The following ZNF329 variants were observed in gnomAD, a reference collection of about 807,000 sequenced individuals.
ZNF329 encodes the protein zinc finger protein 329.
A neutral mutation model predicts 26.6 loss-of-function variants in ZNF329; 15 were observed. The ratio of observed to expected loss-of-function variants is 0.56; its 90% confidence interval spans 0.38 to 0.87. The LOEUF is 0.87. Ranked by LOEUF, ZNF329 falls within the 40% of genes least tolerant of loss-of-function variation. The pLI is 0.00. For synonymous variants in ZNF329, 239 were observed against 233.5 expected, an observed-to-expected ratio of 1.02 and a Z score of -0.21; for missense variants, 651 against 651.9, an observed-to-expected ratio of 1.00 and a Z score of 0.02.
chr19:58,147,088 T>C (rs1163794533), intron 1 of ZNF329, among the ~76,000 whole-genome samples: 3 of 134,842 alleles, frequency 2.2e-5, no homozygotes, highest in African/African-American at 5.8e-5. Flanking sequence ...CCGGCCGCCA[T>C]CCCATCTAGG....
chr19:58,150,012 G>C (rs1375875244), intron 1 of ZNF329, among the ~76,000 whole-genome samples: 5 of 152,184 alleles, frequency 3.3e-5, no homozygotes, highest in African/African-American at 1.2e-4. Flanking sequence ...AAGGGATACA[G>C]TAAGTTCAGC....
intron 3 of ZNF329, among the ~76,000 whole-genome samples, chr19:58,136,528 A>G (rs529529595): frequency 6.6e-6 from 1 of 151,952 alleles, no homozygotes; most frequent in South Asian, 2.1e-4. Flanking sequence ...AAAAAAAGTT[A>G]GCTGGGTGTG....
chr19:58,147,168 A>G (rs1291272276), intron 1 of ZNF329, among the ~76,000 whole-genome samples: 10 of 127,592 alleles, frequency 7.8e-5, no homozygotes, highest in South Asian at 2.7e-4. Context: ...CCGCCGCCCC[A>G]TCTGGGATGT....
At chr19:58,154,503 C>G (rs1026532180), upstream of ZNF329, among the ~76,000 whole-genome samples, 6 of 152,212 alleles carry the variant, frequency 3.9e-5, no homozygotes, top group African/African-American at 1.4e-4. Context: ...TGGTTGGTCT[C>G]CTCCTCCAGG....
chr19:58,138,566 C>G (rs990947765), intron 3 of ZNF329, among the ~76,000 whole-genome samples: 6 of 152,174 alleles, frequency 3.9e-5, no homozygotes, highest in African/African-American at 1.4e-4. Flanking sequence ...GCTGCCCTGC[C>G]GCATGACATG....
At chr19:58,140,212 G>C (rs1260046219) in intron 3 of ZNF329, among the ~76,000 whole-genome samples, 1 of 151,964 alleles carries the variant, frequency 6.6e-6, no homozygotes. Context: ...CGGTTCTGGG[G>C]GAAATGAATT....
At chr19:58,141,461 A>C (rs2146104135) in intron 3 of ZNF329, among the ~76,000 whole-genome samples, 1 of 151,920 alleles carries the variant, frequency 6.6e-6, no homozygotes, top group South Asian at 2.1e-4. Flanking sequence ...ACCATGCCTA[A>C]TTTTTGTATT....
At chr19:58,129,786 T>A (rs1253084730) in intron 3 of ZNF329, among the ~76,000 whole-genome samples, 1 of 152,152 alleles carries the variant, frequency 6.6e-6, no homozygotes, top group East Asian at 1.9e-4. Flanking sequence ...GTTTGAGATG[T>A]GAGAGACCAG....
intron 3 of ZNF329, among the ~76,000 whole-genome samples, chr19:58,135,830 A>AAATAT (rs140473898): frequency 0.024 from 3,713 of 152,316 alleles, 148 homozygotes; most frequent in African/African-American, 0.084. Flanking sequence ...AAAGAAAACC[A>AAATAT]AATATAATAA....
intron 1 of ZNF329, among the ~76,000 whole-genome samples, chr19:58,143,769 T>G (rs1367506728): frequency 6.6e-6 from 1 of 152,096 alleles, no homozygotes; most frequent in Non-Finnish European, 1.5e-5. Flanking sequence ...GAGAAAAAAT[T>G]TTTTTGAATG....
intron 1 of ZNF329, among the ~76,000 whole-genome samples, chr19:58,144,302 G>A (rs1285716620): frequency 1.3e-5 from 2 of 151,024 alleles, no homozygotes; most frequent in Non-Finnish European, 2.9e-5. Flanking sequence ...AGCCTCCTGA[G>A]TAGCCAGGAC....
chr19:58,133,997 A>T (rs1305177036), intron 3 of ZNF329, among the ~76,000 whole-genome samples: 3 of 152,182 alleles, frequency 2.0e-5, no homozygotes, highest in Admixed American at 6.5e-5. Flanking sequence ...TGAAGTCCTC[A>T]AGTTTCTCAT....
chr19:58,136,468 G>A (rs1459231416), intron 3 of ZNF329, among the ~76,000 whole-genome samples: 1 of 151,902 alleles, frequency 6.6e-6, no homozygotes, highest in Non-Finnish European at 1.5e-5. Flanking sequence ...GAAGCCAGGA[G>A]TTTGAAACCA....
intron 1 of ZNF329, among the ~76,000 whole-genome samples, chr19:58,145,539 G>A (rs1256931305): frequency 6.7e-6 from 1 of 150,208 alleles, no homozygotes; most frequent in African/African-American, 2.5e-5. Flanking sequence ...CCAGGCTGGT[G>A]TTGAACTCCT....
intron 1 of ZNF329, among the ~76,000 whole-genome samples, chr19:58,147,995 C>G (rs3953740): frequency 6.6e-6 from 1 of 151,890 alleles, no homozygotes; most frequent in East Asian, 1.9e-4. Context: ...GGATGGTTGC[C>G]GTGTCTGTGC....
upstream of ZNF329, among the ~76,000 whole-genome samples, chr19:58,151,422 G>A (rs2075450088): frequency 6.6e-6 from 1 of 152,006 alleles, no homozygotes; most frequent in Non-Finnish European, 1.5e-5. Flanking sequence ...CCAACATGGT[G>A]AAACCCCGTC....
chr19:58,129,126 T>C lies in ZNF329; in HGVS notation c.378A>G (p.Gly126=), dbSNP rs2146055999. The C allele has an allele frequency of 6.2e-7, 1 of 1,614,088 alleles. No homozygotes were observed. Among genetic ancestry groups the C allele is most frequent in the Non-Finnish European group, 8.5e-7 (1 of 1,180,030 alleles). The change falls in exon 4 of 4, where the codon GGA becomes GGG. Residue 126 remains glycine, a synonymous_variant. Coordinates refer to ENST00000598312, the MANE Select transcript of ZNF329 (RefSeq NM_024620.4). ...CTTCCATGGAATGGTTGAAGCCTTT[T>C]CCACAGGCATCACTGTCACCAGTTC... ...DKRTGDSDAC[G]KGFNHSMEVI... is the part of the protein sequence containing the mutation.
chr19:58,137,755 G>A (rs528725594), intron 3 of ZNF329, among the ~76,000 whole-genome samples: 1 of 147,308 alleles, frequency 6.8e-6, no homozygotes, highest in Non-Finnish European at 1.5e-5. Context: ...CTTGAGGTCA[G>A]GAGTTTGAGA....
rs146154665 is a variant in ZNF329 at position 58,137,894 on chromosome 19, G to A, written c.-9+4663C>T. Among the ~76,000 whole-genome samples the A allele has an allele frequency of 7.4e-3, 1,117 of 151,038 alleles. 8 individuals are homozygous for A. Among genetic ancestry groups the A allele is most frequent in the African/African-American group, 0.025 (1,013 of 41,154 alleles). Reference sequence around the variant, plus strand: ...CTTGGGAAGCTGAGGTGGGACAATCGCTTGAGCCTGGGGGTCAGAGGTTGC... The same window carrying A: ...CTTGGGAAGCTGAGGTGGGACAATCACTTGAGCCTGGGGGTCAGAGGTTGC... On this transcript the variant is annotated intron_variant, in intron 3 of 3. Coordinates refer to ENST00000598312, the MANE Select transcript of ZNF329 (RefSeq NM_024620.4).
Sources: gnomAD v4.1 joint callset for allele counts (sites outside exome capture counted in the v4.1 genomes callset) on GRCh38, gnomAD v4.1.1 for gene constraint, MANE v1.5 for transcripts, NCBI Gene and HGNC (gene_info 2026-07-23, HGNC 2026-07-21) for gene names.